Variants in ZNF678 observed in about 807,000 individuals in gnomAD.
ZNF678 encodes hypothetical protein MGC42493.
In ZNF678, 5 loss-of-function variants were observed where a neutral mutation model predicts 3.0. The ratio of observed to expected loss-of-function variants is 1.69; its 90% CI spans 0.88 to 3.56. The LOEUF is 3.56. Among genes scored for constraint, ZNF678 ranks in the 30% most tolerant of loss-of-function variants. The pLI is 0.00. For missense variants in ZNF678, 593 were observed against 605.0 expected (o/e 0.98, Z 0.21); for synonymous variants, 218 against 199.6 (o/e 1.09, Z -0.78).
In ZNF678 at chr1:227,658,004, A is replaced by G. The variant is rs1659294543; in HGVS notation, c.*2176A>G. On this transcript the variant is annotated 3_prime_UTR_variant, in exon 4 of 4. Transcript: ENST00000343776. ...CCAAAGTTCATGAAATTTTCTCTAT[A>G]TTCCTGAGAAATTCTAAGAATAACT... 1 of 151,978 alleles carries G rather than the reference A, an allele frequency of 6.6e-6. No individual in the cohort carries two copies. The highest frequency in any genetic ancestry group is 6.6e-5 in the Admixed American group (1 of 15,244). The allele number at this position is 151,978 out of a possible 1,614,324, so 9.4% of individuals were successfully genotyped here.
intron 1 of ZNF678, among the ~76,000 whole-genome samples, chr1:227,640,383 A>G (rs1658789677): frequency 6.6e-6 from 1 of 151,166 alleles, no homozygotes. Context: ...AGAGGTAGGG[A>G]CTGGGAGGGG....
At chr1:227,642,936 G>T (rs928239429) in intron 1 of ZNF678, among the ~76,000 whole-genome samples, 10 of 145,440 alleles carry the variant, frequency 6.9e-5, no homozygotes, top group Non-Finnish European at 1.5e-4. Context: ...ATTTGATGTG[G>T]CTATTAGAAA....
At chr1:227,591,962 C>T (rs1657426655) in intron 1 of ZNF678, among the ~76,000 whole-genome samples, 1 of 152,102 alleles carries the variant, frequency 6.6e-6, no homozygotes, top group Non-Finnish European at 1.5e-5. Flanking sequence ...TCAGTTTCCG[C>T]GTGTGACTGG....
At chr1:227,607,797 A>G (rs958149132) in intron 1 of ZNF678, among the ~76,000 whole-genome samples, 1 of 145,986 alleles carries the variant, frequency 6.8e-6, no homozygotes, top group Non-Finnish European at 1.5e-5. Context: ...AATATATGCT[A>G]TATTATTTAG....
At chr1:227,581,857 C>A (rs887700369) in intron 1 of ZNF678, among the ~76,000 whole-genome samples, 4 of 152,190 alleles carry the variant, frequency 2.6e-5, no homozygotes, top group African/African-American at 9.7e-5. Flanking sequence ...GTGGTCCTTA[C>A]AATTTACATT....
At chr1:227,617,725 G>T (rs1351294638) in intron 1 of ZNF678, among the ~76,000 whole-genome samples, 1 of 152,190 alleles carries the variant, frequency 6.6e-6, no homozygotes, top group African/African-American at 2.4e-5. Context: ...GAACATGATT[G>T]AAAAATTGAT....
intron 5 of ZNF678, among the ~76,000 whole-genome samples, chr1:227,670,066 G>T (rs1659574343): frequency 6.6e-6 from 1 of 152,162 alleles, no homozygotes; most frequent in Non-Finnish European, 1.5e-5. Flanking sequence ...GAAGCTGGAA[G>T]CCATAATCTA....
At chr1:227,585,836 G>C (rs537515715) in intron 1 of ZNF678, among the ~76,000 whole-genome samples, 1 of 151,952 alleles carries the variant, frequency 6.6e-6, no homozygotes, top group Non-Finnish European at 1.5e-5. Context: ...CTCAAATCTA[G>C]AGCCAACAAC....
chr1:227,677,639 A>G (rs1473681028), downstream of ZNF678, among the ~76,000 whole-genome samples: 1 of 152,226 alleles, frequency 6.6e-6, no homozygotes, highest in Admixed American at 6.5e-5. Flanking sequence ...CTCAGAATAT[A>G]AGATTTGATA....
In ZNF678 at chr1:227,654,798, G is replaced by A. The variant is rs758730811; in HGVS notation, c.548G>A (p.Cys183Tyr). Residue 183 changes from cysteine (C) to tyrosine (Y), a missense_variant, in exon 4 of 4, where the codon TGT (cysteine) becomes TAT (tyrosine). Physicochemically the swap from Cys to Tyr is radical, Grantham distance 194. Transcript: ENST00000343776. ...KIHTGEKPYK[C>Y]DECDKVFNWW... Reference sequence around the variant, plus strand: ...CATACTGGAGAGAAACCCTACAAATGTGATGAATGTGACAAAGTTTTTAAT... The same window carrying A: ...CATACTGGAGAGAAACCCTACAAATATGATGAATGTGACAAAGTTTTTAAT... 38 of 1,612,902 alleles carry A rather than the reference G, an allele frequency of 2.4e-5. No individual in the cohort carries two copies. Among genetic ancestry groups the A allele is most frequent in the Non-Finnish European group, 3.0e-5 (35 of 1,179,518 alleles).
chr1:227,565,790 C>T (rs549093850), intron 1 of ZNF678, among the ~76,000 whole-genome samples: 3 of 152,074 alleles, frequency 2.0e-5, no homozygotes, highest in African/African-American at 4.8e-5. Flanking sequence ...GACGGAGTCT[C>T]GCTCTGTCGC....
chr1:227,576,854 T>C (rs1251870070), intron 1 of ZNF678, among the ~76,000 whole-genome samples: 1 of 152,190 alleles, frequency 6.6e-6, no homozygotes, highest in Non-Finnish European at 1.5e-5. Context: ...TTTCTAACTT[T>C]TTGATGTTGG....
At chr1:227,668,335 G>T (rs962711408) in intron 5 of ZNF678, among the ~76,000 whole-genome samples, 2 of 152,084 alleles carry the variant, frequency 1.3e-5, no homozygotes, top group African/African-American at 2.4e-5. Context: ...GCTCATAAAG[G>T]TTCTGCAGAT....
downstream of ZNF678, among the ~76,000 whole-genome samples, chr1:227,662,876 A>G (rs1659439339): frequency 6.6e-6 from 1 of 152,190 alleles, no homozygotes; most frequent in Non-Finnish European, 1.5e-5. Flanking sequence ...TGATTACTAT[A>G]TATTATGGGC....
intron 1 of ZNF678, among the ~76,000 whole-genome samples, chr1:227,581,882 A>G (rs1030476462): frequency 6.6e-6 from 1 of 152,208 alleles, no homozygotes; most frequent in African/African-American, 2.4e-5. Flanking sequence ...CCAGCAGCGC[A>G]TGAGAGTTTC....
intron 1 of ZNF678, among the ~76,000 whole-genome samples, chr1:227,563,925 C>A (rs1244885083): frequency 6.6e-6 from 1 of 152,240 alleles, no homozygotes; most frequent in Non-Finnish European, 1.5e-5. Context: ...TATGAAGCCG[C>A]AGCCCCGCGG....
intron 5 of ZNF678, among the ~76,000 whole-genome samples, chr1:227,671,776 A>G (rs575718093): frequency 2.8e-4 from 43 of 152,332 alleles, no homozygotes; most frequent in Admixed American, 2.0e-3. Context: ...GGCCAAATTC[A>G]ATGTTCTTGG....
rs1291109813 is a variant in ZNF678 at position 227,638,320 on chromosome 1, G to T, written c.-163-8224G>T. On this transcript the variant is annotated intron_variant, in intron 1 of 3. Transcript: ENST00000343776. The surrounding 1 kb of genome is among the most constrained non-coding windows in gnomAD (Gnocchi z 4.2). Reference sequence around the variant, plus strand: ...TGGGTCAGGAACTACTAGACAGCTTGGTTAATGAGCCTGAGGTCCTGAACT... The same window carrying T: ...TGGGTCAGGAACTACTAGACAGCTTTGTTAATGAGCCTGAGGTCCTGAACT... Among the ~76,000 whole-genome samples the T allele has an allele frequency of 6.6e-6, 1 of 152,206 alleles. No homozygotes were observed. Among genetic ancestry groups the T allele is most frequent in the East Asian group, 1.9e-4 (1 of 5,198 alleles).
intron 1 of ZNF678, among the ~76,000 whole-genome samples, chr1:227,564,339 C>G (rs942872796): frequency 1.4e-4 from 22 of 152,180 alleles, no homozygotes; most frequent in African/African-American, 5.3e-4. Flanking sequence ...GATTTTGTTT[C>G]TACTTAAGGC....
Sources: gnomAD v4.1 joint callset for allele counts (sites outside exome capture counted in the v4.1 genomes callset) on GRCh38, gnomAD v4.1.1 for gene constraint, Gnocchi (gnomAD v3.1) non-coding constraint, MANE v1.5 for transcripts, NCBI Gene and HGNC (gene_info 2026-07-23, HGNC 2026-07-21) for gene names.